AP4S1: variants seen among roughly 807,000 people sequenced by gnomAD.
The protein encoded by AP4S1 is AP-4 complex subunit sigma-1.
AP4S1 carries 23 observed loss-of-function variants against 19.8 expected under a neutral mutation model. The observed-to-expected ratio is 1.16, with a 90% CI of 0.84 to 1.65. The LOEUF (loss-of-function observed/expected upper bound fraction) is 1.65, where lower values mean the gene tolerates loss of function less well. Ranked by LOEUF, AP4S1 falls within the 40% of genes most tolerant of loss-of-function variation. The pLI is 0.00. For missense variants in AP4S1, 166 were observed against 172.8 expected, an observed-to-expected ratio of 0.96 and a Z score of 0.22; for synonymous variants, 46 against 54.1, an observed-to-expected ratio of 0.85 and a Z score of 0.66.
At chr14:31,073,491 GAA>G (rs1328162460) in intron 4 of AP4S1, among the ~76,000 whole-genome samples, 1 of 140,970 alleles carries the variant, frequency 7.1e-6, no homozygotes. Context: ...CTCCGTCTCA[GAA>G]AAAAAAAAAA....
intron 1 of AP4S1, among the ~76,000 whole-genome samples, chr14:31,029,204 T>A (rs61976816): frequency 0.037 from 5,630 of 152,266 alleles, 139 homozygotes; most frequent in South Asian, 0.082. Context: ...ATACTTTAGT[T>A]TAAACCTTCC....
At chr14:31,060,892 T>A (rs1449448429) in intron 1 of AP4S1, among the ~76,000 whole-genome samples, 1 of 150,046 alleles carries the variant, frequency 6.7e-6, no homozygotes, top group East Asian at 2.0e-4. Flanking sequence ...TGACTCCACT[T>A]TTTTTTTTTC....
At chr14:31,066,594 C>T (rs568864590) in intron 2 of AP4S1, among the ~76,000 whole-genome samples, 40 of 152,156 alleles carry the variant, frequency 2.6e-4, no homozygotes, top group Non-Finnish European at 5.1e-4. Context: ...ACCTTGGAAA[C>T]GACAGTAAAA....
intron 5 of AP4S1, among the ~76,000 whole-genome samples, chr14:31,083,005 A>T (rs1268768935): frequency 6.6e-6 from 1 of 152,246 alleles, no homozygotes; most frequent in Admixed American, 6.5e-5. Flanking sequence ...TAAAACAGGA[A>T]GAGAGTCTTA....
intron 3 of AP4S1, among the ~76,000 whole-genome samples, chr14:31,071,617 C>T (rs1015848990): frequency 2.6e-5 from 4 of 152,090 alleles, no homozygotes; most frequent in Non-Finnish European, 5.9e-5. Flanking sequence ...GACAGGGTTT[C>T]ACCTTTTGGC....
chr14:31,049,428 A>AAAAATATAT (rs1384450221), intron 1 of AP4S1, among the ~76,000 whole-genome samples: 3 of 57,760 alleles, frequency 5.2e-5, no homozygotes, highest in Admixed American at 5.5e-4. Flanking sequence ...AAAAAAAAAA[A>AAAAATATAT]ATATATATAT....
intron 1 of AP4S1, among the ~76,000 whole-genome samples, chr14:31,054,610 A>G (rs533677125): frequency 6.6e-6 from 1 of 152,200 alleles, no homozygotes; most frequent in Admixed American, 6.5e-5. Context: ...TGAACCCTGG[A>G]GGGTTTAGGC....
At chr14:31,078,627 T>A (rs953884972) in intron 4 of AP4S1, among the ~76,000 whole-genome samples, 9 of 152,164 alleles carry the variant, frequency 5.9e-5, no homozygotes, top group Admixed American at 1.3e-4. Context: ...ACAAGTACTA[T>A]CATTGCTAAG....
At chr14:31,065,687 G>T (rs1886675272) in intron 1 of AP4S1, among the ~76,000 whole-genome samples, 1 of 151,928 alleles carries the variant, frequency 6.6e-6, no homozygotes, top group African/African-American at 2.4e-5. Flanking sequence ...TTGAGACAGG[G>T]TTTTGCTCTG....
At chr14:31,071,708 G>A (rs542027904) in intron 3 of AP4S1, among the ~76,000 whole-genome samples, 1 of 149,618 alleles carries the variant, frequency 6.7e-6, no homozygotes, top group Admixed American at 6.6e-5. Context: ...GTGAGCCACC[G>A]CACCCGGCCT....
At chr14:31,040,859 A>G (rs1373713608) in intron 1 of AP4S1, among the ~76,000 whole-genome samples, 3 of 152,014 alleles carry the variant, frequency 2.0e-5, no homozygotes, top group African/African-American at 7.2e-5. Context: ...TCTAATAAGA[A>G]TTTAAAAAAT....
intron 5 of AP4S1, among the ~76,000 whole-genome samples, chr14:31,082,634 C>T (rs1198432025): frequency 3.3e-5 from 5 of 152,168 alleles, no homozygotes; most frequent in African/African-American, 7.2e-5. Context: ...CGGTGGCTCA[C>T]GCCTGTAATC....
chr14:31,064,178 C>T (rs775522599), intron 1 of AP4S1, among the ~76,000 whole-genome samples: 1 of 152,194 alleles, frequency 6.6e-6, no homozygotes, highest in Non-Finnish European at 1.5e-5. Flanking sequence ...TGTCATGGAT[C>T]CATGCATGTG....
In AP4S1 at chr14:31,076,931, T is replaced by C. The variant is rs1341303117; in HGVS notation, c.295-3642T>C. Among the ~76,000 whole-genome samples the C allele has an allele frequency of 2.6e-5, 4 of 152,200 alleles. No individual in the cohort carries two copies. The East Asian group carries it at 7.7e-4, about 29-fold the overall frequency. On this transcript the variant is annotated intron_variant, in intron 4 of 5. Transcript: ENST00000542754. The stretch of plus-strand genomic sequence containing the variant: ...AGTAGCAGCGGCACAAGCTTATCTT[T>C]TTATTTTTATTTTTTTTGAGACGGA...
At chr14:31,027,538 T>A (rs994137741) in intron 1 of AP4S1, among the ~76,000 whole-genome samples, 1 of 151,586 alleles carries the variant, frequency 6.6e-6, no homozygotes, top group African/African-American at 2.4e-5. Context: ...GGCGCACACC[T>A]GTAGTCCCAG....
intron 5 of AP4S1, chr14:31,085,079 T>A: frequency 2.8e-6 from 4 of 1,406,672 alleles, no homozygotes; most frequent in Non-Finnish European, 3.7e-6. Context: ...CCTTCAGGCC[T>A]GGACAGCCAG....
intron 1 of AP4S1, among the ~76,000 whole-genome samples, chr14:31,045,236 T>A (rs1323619664): frequency 6.6e-6 from 1 of 152,132 alleles, no homozygotes; most frequent in African/African-American, 2.4e-5. Context: ...ACTTTAGGTA[T>A]AATGTATATA....
chr14:31,066,410 G>T lies in AP4S1; in HGVS notation c.138+76G>T. The T allele has an allele frequency of 5.1e-6, 8 of 1,576,902 alleles. No individual in the cohort carries two copies. The South Asian group carries it at 8.9e-5, about 18-fold the overall frequency. Reference sequence around the variant, plus strand: ...GATTTGTTATTAGTGAGTCTCAGGGGCCATCATTTTCTTTGAGCTATATTC... The same window carrying T: ...GATTTGTTATTAGTGAGTCTCAGGGTCCATCATTTTCTTTGAGCTATATTC... On this transcript the variant is annotated intron_variant, in intron 2 of 5. Coordinates refer to ENST00000542754, the MANE Select transcript of AP4S1 (RefSeq NM_001128126.3).
upstream of AP4S1, chr14:31,025,611 G>A (rs1339581648): frequency 1.0e-5 from 5 of 478,916 alleles, no homozygotes; most frequent in East Asian, 4.2e-5. Flanking sequence ...CCGGAGGCCC[G>A]GGAAGGCCGC....
Sources: gnomAD v4.1 joint callset for allele counts (sites outside exome capture counted in the v4.1 genomes callset) on GRCh38, gnomAD v4.1.1 for gene constraint, MANE v1.5 for transcripts, NCBI Gene and HGNC (gene_info 2026-07-23, HGNC 2026-07-21) for gene names.